DNER: variants seen among roughly 807,000 people sequenced by gnomAD.
The protein encoded by DNER is delta/notch like EGF repeat containing.
DNER carries 33 observed loss-of-function variants against 78.2 expected under a neutral mutation model. The observed-to-expected ratio is 0.42, with a 90% CI of 0.32 to 0.56. The LOEUF (loss-of-function observed/expected upper bound fraction) is 0.56. Among genes scored for constraint, DNER ranks in the 20% least tolerant of loss-of-function variants. DNER has a pLI of 0.11. For missense variants in DNER, 918 were observed against 975.3 expected, an observed-to-expected ratio of 0.94 and a Z score of 0.78; for synonymous variants, 417 against 384.8, an observed-to-expected ratio of 1.08 and a Z score of -0.98.
chr2:229,416,150 T>C (rs1693646438), intron 9 of DNER, among the ~76,000 whole-genome samples: 1 of 152,220 alleles, frequency 6.6e-6, no homozygotes, highest in South Asian at 2.1e-4. Context: ...CTCAAATCTT[T>C]TCTCCATGTT....
At chr2:229,559,855 T>C (rs527472399) in intron 4 of DNER, among the ~76,000 whole-genome samples, 1 of 152,316 alleles carries the variant, frequency 6.6e-6, no homozygotes, top group East Asian at 1.9e-4. Flanking sequence ...TCCACTCTCC[T>C]CCTTCCCCAC....
chr2:229,421,546 A>G (rs1292502368), intron 8 of DNER, among the ~76,000 whole-genome samples: 3 of 150,168 alleles, frequency 2.0e-5, no homozygotes, highest in Non-Finnish European at 3.0e-5. Flanking sequence ...CTCTATATCT[A>G]TATTTTACCT....
At chr2:229,658,207 TTCATTC>T (rs754782688) in intron 1 of DNER, among the ~76,000 whole-genome samples, 18 of 152,226 alleles carry the variant, frequency 1.2e-4, no homozygotes, top group Non-Finnish European at 1.8e-4. Flanking sequence ...TCTGACTTTA[TTCATTC>T]TCTCAGCTGA....
chr2:229,546,718 A>AGG (rs1180001331), intron 5 of DNER, among the ~76,000 whole-genome samples: 1 of 152,220 alleles, frequency 6.6e-6, no homozygotes, highest in Non-Finnish European at 1.5e-5. Context: ...CCTGGGCAAC[A>AGG]GAGCGAGACC....
intron 1 of DNER, among the ~76,000 whole-genome samples, chr2:229,699,443 G>A (rs980134419): frequency 3.9e-5 from 6 of 152,094 alleles, no homozygotes; most frequent in African/African-American, 2.4e-5. Flanking sequence ...TCAGCTCACT[G>A]CAAACTCCTC....
intron 1 of DNER, among the ~76,000 whole-genome samples, chr2:229,688,181 C>G (rs573527918): frequency 7.9e-5 from 12 of 152,314 alleles, no homozygotes; most frequent in Middle Eastern, 3.4e-3. Context: ...AGGACTGGTC[C>G]GCCCACAGGG....
At chr2:229,586,818 G>A in intron 3 of DNER, 1 of 985,858 alleles carries the variant, frequency 1.0e-6, no homozygotes, top group Non-Finnish European at 1.2e-6. Context: ...AGTGCTCCTG[G>A]AGAAGATCAC....
chr2:229,510,440 A>G (rs939651116), intron 6 of DNER, among the ~76,000 whole-genome samples: 74 of 152,224 alleles, frequency 4.9e-4, no homozygotes, highest in Non-Finnish European at 8.8e-5. Context: ...GAGGAACAGC[A>G]GGAGGCCATC....
Position 229,487,407 on chromosome 2 carries a change from C to CTAT in DNER, c.1148-10155_1148-10154insATA, listed in dbSNP as rs564965489. Among the ~76,000 whole-genome samples the CTAT allele has an allele frequency of 2.9e-3, 447 of 152,322 alleles. 2 individuals carry two copies. Among genetic ancestry groups the CTAT allele is most frequent in the African/African-American group, 0.01 (426 of 41,564 alleles). On this transcript the variant is annotated intron_variant, in intron 6 of 12. Coordinates refer to ENST00000341772, the MANE Select transcript of DNER (RefSeq NM_139072.4). Reference sequence around the variant, plus strand: ...CAAATAATAAAGTGCAATATTGATACAGTCCATCTATATCTTTTAATCTGA... The same window carrying CTAT: ...CAAATAATAAAGTGCAATATTGATACTATAGTCCATCTATATCTTTTAATCTGA...
chr2:229,577,605 A>C (rs1355295356), intron 4 of DNER, among the ~76,000 whole-genome samples: 1 of 152,196 alleles, frequency 6.6e-6, no homozygotes, highest in African/African-American at 2.4e-5. Flanking sequence ...ATTGCACTCC[A>C]GCATGGGCAA....
At chr2:229,445,792 C>T (rs1374977885) in intron 8 of DNER, among the ~76,000 whole-genome samples, 2 of 152,218 alleles carry the variant, frequency 1.3e-5, no homozygotes, top group Admixed American at 6.5e-5. Flanking sequence ...CGCTCTCTGT[C>T]TCCTGTTTCT....
chr2:229,575,297 G>A (rs902383808), intron 4 of DNER, among the ~76,000 whole-genome samples: 1 of 152,014 alleles, frequency 6.6e-6, no homozygotes, highest in African/African-American at 2.4e-5. Flanking sequence ...AATGGATCAG[G>A]CCCAAATTGT....
intron 5 of DNER, among the ~76,000 whole-genome samples, chr2:229,514,049 T>C (rs909632192): frequency 1.3e-5 from 2 of 152,156 alleles, no homozygotes; most frequent in African/African-American, 4.8e-5. Flanking sequence ...CATTCTTCTC[T>C]TTAGTACATT....
At chr2:229,710,043 A>G (rs1559217316) in intron 1 of DNER, among the ~76,000 whole-genome samples, 1 of 151,984 alleles carries the variant, frequency 6.6e-6, no homozygotes, top group Non-Finnish European at 1.5e-5. Flanking sequence ...TATCAGAAAC[A>G]TTTTTTTTAT....
chr2:229,679,919 T>A (rs1471203242), intron 1 of DNER, among the ~76,000 whole-genome samples: 3 of 152,128 alleles, frequency 2.0e-5, no homozygotes, highest in African/African-American at 7.2e-5. Context: ...AGTGACTCAC[T>A]TCTAATCAAG....
At chr2:229,428,671 GAA>G (rs11390976) in intron 8 of DNER, among the ~76,000 whole-genome samples, 8 of 145,062 alleles carry the variant, frequency 5.5e-5, no homozygotes, top group African/African-American at 1.0e-4. Context: ...GAAGTGATTT[GAA>G]AAAAAAAAAA....
At chr2:229,619,647 G>C (rs971983677) in intron 1 of DNER, among the ~76,000 whole-genome samples, 3 of 152,160 alleles carry the variant, frequency 2.0e-5, no homozygotes, top group Non-Finnish European at 4.4e-5. Flanking sequence ...CTGCTGGTAC[G>C]TATAGTGTAC....
chr2:229,554,670 C>T (rs961057319), intron 4 of DNER, among the ~76,000 whole-genome samples: 11 of 151,766 alleles, frequency 7.2e-5, no homozygotes, highest in Admixed American at 2.0e-4. Context: ...GCCTGGGTGA[C>T]GGAGTAAGGC....
chr2:229,576,606 G>C (rs567522796), intron 4 of DNER, among the ~76,000 whole-genome samples: 3 of 152,248 alleles, frequency 2.0e-5, no homozygotes, highest in South Asian at 2.1e-4. Context: ...GAAGTTTACA[G>C]TTTAATTAAA....
Sources: allele counts gnomAD v4.1 joint callset (sites outside exome capture counted in the v4.1 genomes callset), GRCh38; gene constraint gnomAD v4.1.1; transcripts MANE v1.5; gene names NCBI Gene and HGNC (gene_info 2026-07-23, HGNC 2026-07-21).